CNTNAP2: variants seen among roughly 807,000 people sequenced by gnomAD.
CNTNAP2 encodes contactin associated protein 2.
In CNTNAP2, 98 loss-of-function variants were observed where a neutral mutation model predicts 155.2. The ratio of observed to expected loss-of-function variants is 0.63; its 90% CI spans 0.54 to 0.75. The LOEUF (loss-of-function observed/expected upper bound fraction) is 0.75. CNTNAP2 is among the 30% of genes least tolerant of loss of function. The probability of loss-of-function intolerance (pLI) is 0.00; values close to 1 mark genes in which losing one functional copy is unlikely to be tolerated. For missense variants in CNTNAP2, 1,727 were observed against 1,688.1 expected (o/e 1.02, Z -0.40); for synonymous variants, 651 against 631.2 (o/e 1.03, Z -0.47).
intron 1 of CNTNAP2, among the ~76,000 whole-genome samples, chr7:146,378,007 C>G (rs1297884234): frequency 1.3e-5 from 2 of 152,172 alleles, no homozygotes; most frequent in Admixed American, 6.5e-5. Flanking sequence ...TTTCATAATA[C>G]TTATCTGCAC....
At chr7:147,903,325 T>G (rs943337057) in intron 13 of CNTNAP2, among the ~76,000 whole-genome samples, 1 of 152,228 alleles carries the variant, frequency 6.6e-6, no homozygotes, top group African/African-American at 2.4e-5. Context: ...ATGGGATTGT[T>G]TTTTCTTGTT....
intron 18 of CNTNAP2, among the ~76,000 whole-genome samples, chr7:148,186,989 T>C (rs956378542): frequency 6.6e-6 from 1 of 152,144 alleles, no homozygotes; most frequent in African/African-American, 2.4e-5. Flanking sequence ...TGTGTCCTCT[T>C]TCTATCTTAT....
chr7:147,186,868 G>GAATGTCAGTGATGGTGAAGCTGTGGAGA lies in CNTNAP2; in HGVS notation c.1348+54360_1348+54361insATGTCAGTGATGGTGAAGCTGTGGAGAA, dbSNP rs1584779761. Among the ~76,000 whole-genome samples, 6 of 94,254 alleles carry GAATGTCAGTGATGGTGAAGCTGTGGAGA rather than the reference G, an allele frequency of 6.4e-5. No individual in the cohort carries two copies. The East Asian group carries it at 9.6e-4, about 15-fold the overall frequency. The allele number at this position is 94,254 out of a possible 152,430, so 61.8% of individuals were successfully genotyped here. On this transcript the variant is annotated intron_variant, in intron 8 of 23. Transcript: ENST00000361727. Reference sequence around the variant, plus strand: ...TTTGGTCCAGTTGAAGAAGGCACTTGATCTTTTCGGGCTGACCAGTAGGTC... The same window carrying GAATGTCAGTGATGGTGAAGCTGTGGAGA: ...TTTGGTCCAGTTGAAGAAGGCACTTGAATGTCAGTGATGGTGAAGCTGTGGAGAATCTTTTCGGGCTGACCAGTAGGTC...
intron 6 of CNTNAP2, among the ~76,000 whole-genome samples, chr7:147,126,345 T>C (rs575459012): frequency 6.6e-6 from 1 of 152,302 alleles, no homozygotes; most frequent in Non-Finnish European, 1.5e-5. Context: ...AAATGTATCA[T>C]ATGAGCCACA....
At chr7:147,947,079 G>A (rs1800833618) in intron 14 of CNTNAP2, among the ~76,000 whole-genome samples, 1 of 152,130 alleles carries the variant, frequency 6.6e-6, no homozygotes, top group African/African-American at 2.4e-5. Context: ...AGGACAGGTG[G>A]AGGGAAGGTG....
At chr7:147,794,184 A>G (rs1012440882) in intron 13 of CNTNAP2, among the ~76,000 whole-genome samples, 2 of 151,944 alleles carry the variant, frequency 1.3e-5, no homozygotes, top group African/African-American at 4.8e-5. Flanking sequence ...AACCTCCTAT[A>G]AAATTTTAAA....
intron 1 of CNTNAP2, among the ~76,000 whole-genome samples, chr7:146,431,124 G>A (rs1023759804): frequency 1.3e-5 from 2 of 152,020 alleles, no homozygotes; most frequent in African/African-American, 4.8e-5. Context: ...GTGGGCAGAA[G>A]TTAGGTCTGA....
chr7:147,035,034 C>G (rs913644657), intron 3 of CNTNAP2, among the ~76,000 whole-genome samples: 15 of 152,210 alleles, frequency 9.9e-5, no homozygotes, highest in African/African-American at 3.6e-4. Flanking sequence ...CTGCCCTCCT[C>G]CCATATCGCA....
At chr7:147,893,691 C>T (rs1317994612) in intron 13 of CNTNAP2, among the ~76,000 whole-genome samples, 7 of 152,128 alleles carry the variant, frequency 4.6e-5, no homozygotes, top group Non-Finnish European at 4.4e-5. Flanking sequence ...TACCTCCCAC[C>T]CGTGGGTGAA....
chr7:148,102,473 C>T (rs534336626), intron 15 of CNTNAP2, among the ~76,000 whole-genome samples: 5 of 152,162 alleles, frequency 3.3e-5, no homozygotes, highest in Non-Finnish European at 7.3e-5. Context: ...GATTTCTACG[C>T]CTTTGGATAT....
rs1803548633 is a variant in CNTNAP2, at chr7:146,833,181, A to T, written c.209-6530A>T. Among the ~76,000 whole-genome samples the T allele has an allele frequency of 3.3e-5, 5 of 152,204 alleles. No homozygotes were observed. The South Asian group carries it at 1.0e-3, about 32-fold the overall frequency. ...ACTGCTATTTTTAATGAATAGCATT[A>T]CCTATTTTATATTTTTGAGAGGATA... On this transcript the variant is annotated intron_variant, in intron 2 of 23. Coordinates refer to ENST00000361727, the MANE Select transcript of CNTNAP2 (RefSeq NM_014141.6).
At chr7:147,073,373 T>A (rs1212729713) in intron 4 of CNTNAP2, among the ~76,000 whole-genome samples, 2 of 150,300 alleles carry the variant, frequency 1.3e-5, no homozygotes, top group Admixed American at 6.6e-5. Context: ...AGCTAAATAA[T>A]GAGCACACAT....
At chr7:146,295,771 AATGAAAAC>A (rs1800504610) in intron 1 of CNTNAP2, among the ~76,000 whole-genome samples, 1 of 151,988 alleles carries the variant, frequency 6.6e-6, no homozygotes, top group Non-Finnish European at 1.5e-5. Flanking sequence ...AATTGTTAAA[AATGAAAAC>A]ATGAAAACTT....
chr7:147,443,143 C>T (rs74604045), intron 10 of CNTNAP2, among the ~76,000 whole-genome samples: 58 of 152,202 alleles, frequency 3.8e-4, no homozygotes, highest in African/African-American at 1.3e-3. Flanking sequence ...TAGGGCCGGG[C>T]CTCAGGGCAC....
In CNTNAP2 at chr7:147,397,048, G is replaced by T. The variant is rs551780783; in HGVS notation, c.1670+1268G>T. 2.6e-5 allele frequency among the ~76,000 whole-genome samples: 4 copies of T among 152,078 alleles called. No homozygotes were observed. The East Asian group carries it at 5.8e-4, about 22-fold the overall frequency. On this transcript the variant is annotated intron_variant, in intron 10 of 23. Coordinates refer to ENST00000361727, the MANE Select transcript of CNTNAP2 (RefSeq NM_014141.6). ...TTTCATAAAATCTGAATAAGATGGCGTTCGTGTGAATGGTAAGTTACAGTT... is the reference window on the plus strand; with the variant it reads ...TTTCATAAAATCTGAATAAGATGGCTTTCGTGTGAATGGTAAGTTACAGTT...
intron 21 of CNTNAP2, among the ~76,000 whole-genome samples, chr7:148,290,388 T>C (rs190536603): frequency 7.5e-4 from 115 of 152,368 alleles, no homozygotes; most frequent in African/African-American, 2.6e-3. Context: ...TCTATTCCTG[T>C]GCAAATTCTA....
At chr7:146,299,495 C>A (rs577289240) in intron 1 of CNTNAP2, among the ~76,000 whole-genome samples, 4 of 152,230 alleles carry the variant, frequency 2.6e-5, no homozygotes, top group South Asian at 4.1e-4. Flanking sequence ...GTAATCCTCC[C>A]ATTTCAGCCT....
intron 1 of CNTNAP2, among the ~76,000 whole-genome samples, chr7:146,314,242 A>C (rs1167102210): frequency 2.0e-5 from 3 of 152,176 alleles, no homozygotes; most frequent in African/African-American, 7.2e-5. Flanking sequence ...TAATCAGCCC[A>C]GTCAGAGATT....
chr7:148,144,418 G>T (rs1373724682), intron 16 of CNTNAP2, among the ~76,000 whole-genome samples: 4 of 152,188 alleles, frequency 2.6e-5, no homozygotes, highest in Admixed American at 2.6e-4. Flanking sequence ...GCATTCCCCT[G>T]CAAGGGAAAG....
Sources: allele counts gnomAD v4.1 joint callset (sites outside exome capture counted in the v4.1 genomes callset), GRCh38; gene constraint gnomAD v4.1.1; transcripts MANE v1.5; gene names NCBI Gene and HGNC (gene_info 2026-07-23, HGNC 2026-07-21).